The following CDH8 variants were observed in gnomAD, a reference collection of about 807,000 sequenced individuals.
CDH8 encodes cadherin-8.
A neutral mutation model predicts 68.1 loss-of-function variants in CDH8; 17 were observed. The ratio of observed to expected loss-of-function variants is 0.25; its 90% CI spans 0.17 to 0.37. The LOEUF is 0.37. Ranked by LOEUF, CDH8 falls within the 10% of genes least tolerant of loss-of-function variation. CDH8 has a pLI of 1.00. For synonymous variants in CDH8, 372 were observed against 365.1 expected (o/e 1.02, Z -0.21); for missense variants, 763 against 999.3 (o/e 0.76, Z 3.19).
At chr16:62,013,573 T>G (rs1901867995) in intron 2 of CDH8, among the ~76,000 whole-genome samples, 1 of 152,216 alleles carries the variant, frequency 6.6e-6, no homozygotes, top group South Asian at 2.1e-4. Context: ...CACATATATT[T>G]TAATAATTAT....
At chr16:61,691,727 G>T (rs1054555796) in intron 10 of CDH8, 3 of 147,970 alleles carry the variant, frequency 2.0e-5, no homozygotes, top group Non-Finnish European at 3.0e-5. Flanking sequence ...ATGAATAAAA[G>T]GTTAAAAAAA....
rs1366602961 is a variant in CDH8 at position 61,650,043 on chromosome 16, G to C, written c.*3565C>G. The C allele has an allele frequency of 6.6e-6, 1 of 151,898 alleles. No homozygotes were observed. The highest frequency in any genetic ancestry group is 1.9e-4 in the East Asian group (1 of 5,168). The allele number at this position is 151,898 out of a possible 1,614,324, so 9.4% of individuals were successfully genotyped here. On this transcript the variant is annotated 3_prime_UTR_variant, in exon 12 of 12. Transcript: ENST00000577390. ...ATATATACACATACACTTAACTGCA[G>C]ATTTTTTTCAAAACAGTTTCACTTT... is the stretch of plus-strand genomic sequence containing the variant.
intron 10 of CDH8, among the ~76,000 whole-genome samples, chr16:61,698,915 G>A (rs1206281833): frequency 6.6e-6 from 1 of 152,142 alleles, no homozygotes; most frequent in Non-Finnish European, 1.5e-5. Flanking sequence ...ATGTCCCAAA[G>A]GGTAAAAAGT....
chr16:61,780,883 G>C (rs939744918), intron 8 of CDH8, among the ~76,000 whole-genome samples: 1 of 152,124 alleles, frequency 6.6e-6, no homozygotes, highest in Non-Finnish European at 1.5e-5. Context: ...TCAAATTTAT[G>C]CCACCCCAGC....
At chr16:61,878,992 C>T (rs915880754) in intron 3 of CDH8, among the ~76,000 whole-genome samples, 6 of 152,098 alleles carry the variant, frequency 3.9e-5, no homozygotes, top group Admixed American at 3.9e-4. Context: ...AAGATTTGAT[C>T]CCTTCTATCT....
Position 61,789,498 on chromosome 16 carries a change from A to G in CDH8, c.1278-16T>C, listed in dbSNP as rs1961327534. On this transcript the variant is annotated splice_polypyrimidine_tract_variant and intron_variant, in intron 7 of 11. Coordinates refer to ENST00000577390, the MANE Select transcript of CDH8 (RefSeq NM_001796.5). Reference sequence around the variant, plus strand: ...GATGGAAAACCTACAAAACAGACACATCTGTAATCTACTTCAATGTTTATA... The same window carrying G: ...GATGGAAAACCTACAAAACAGACACGTCTGTAATCTACTTCAATGTTTATA... 6 of 1,610,624 alleles carry G rather than the reference A, an allele frequency of 3.7e-6. No homozygotes were observed. In the East Asian group the frequency reaches 1.1e-4, roughly 30 times the overall value.
intron 4 of CDH8, among the ~76,000 whole-genome samples, chr16:61,844,437 TA>T (rs1275815887): frequency 6.6e-6 from 1 of 152,008 alleles, no homozygotes; most frequent in Non-Finnish European, 1.5e-5. Flanking sequence ...TAATAAAGTT[TA>T]AAAAAAAGTT....
At chr16:61,763,633 G>A (rs1960520137) in intron 8 of CDH8, among the ~76,000 whole-genome samples, 1 of 152,070 alleles carries the variant, frequency 6.6e-6, no homozygotes, top group Non-Finnish European at 1.5e-5. Flanking sequence ...AGCGTTACCT[G>A]GTTGCACAGT....
At chr16:61,765,307 C>T (rs1315462941) in intron 8 of CDH8, among the ~76,000 whole-genome samples, 1 of 151,912 alleles carries the variant, frequency 6.6e-6, no homozygotes, top group Non-Finnish European at 1.5e-5. Flanking sequence ...AGATGATCTT[C>T]AAATACTTTA....
At chr16:62,020,502 AC>A (rs1567571559) in intron 2 of CDH8, among the ~76,000 whole-genome samples, 2 of 19,668 alleles carry the variant, frequency 1.0e-4, no homozygotes, top group Non-Finnish European at 3.1e-4. Context: ...GCGCGCGCAC[AC>A]ACACACACAC....
At chr16:62,020,296 T>C (rs1451220629) in intron 2 of CDH8, among the ~76,000 whole-genome samples, 8 of 152,304 alleles carry the variant, frequency 5.3e-5, no homozygotes, top group Admixed American at 1.3e-4. Context: ...AGGCTCATAA[T>C]TGGAATTATA....
chr16:61,862,570 C>T (rs975034583), intron 3 of CDH8, among the ~76,000 whole-genome samples: 9 of 152,258 alleles, frequency 5.9e-5, no homozygotes, highest in African/African-American at 1.2e-4. Context: ...CCGTCAAGGA[C>T]GATATTTCTC....
intron 3 of CDH8, among the ~76,000 whole-genome samples, chr16:61,859,158 A>AC (rs1264109083): frequency 1.3e-5 from 2 of 152,224 alleles, no homozygotes; most frequent in Non-Finnish European, 2.9e-5. Context: ...ATCTGCAGTT[A>AC]TAAAAAAATG....
chr16:61,659,356 G>A (rs117671782), intron 10 of CDH8, among the ~76,000 whole-genome samples: 3,376 of 152,254 alleles, frequency 0.022, 68 homozygotes, highest in Non-Finnish European at 0.033. Context: ...CAGTGAGGTA[G>A]AAACTTTACT....
At chr16:61,854,829 A>G (rs1227306846) in intron 4 of CDH8, among the ~76,000 whole-genome samples, 1 of 152,034 alleles carries the variant, frequency 6.6e-6, no homozygotes, top group Non-Finnish European at 1.5e-5. Context: ...TTTTTTTAAG[A>G]GAGAGGTCCT....
chr16:61,669,005 G>A (rs1019631193), intron 10 of CDH8, among the ~76,000 whole-genome samples: 1 of 152,016 alleles, frequency 6.6e-6, no homozygotes, highest in Non-Finnish European at 1.5e-5. Flanking sequence ...CTTTAATACT[G>A]TGAATAGAGA....
At position 61,960,258 on chromosome 16, in the gene CDH8, T is replaced by TATATACGTGTGTGTGTATACACAC. The variant is rs1965110592; in HGVS notation, c.253-58786_253-58785insGTGTGTATACACACACACGTATAT. Among the ~76,000 whole-genome samples, 18 of 51,826 alleles carry TATATACGTGTGTGTGTATACACAC rather than the reference T, an allele frequency of 3.5e-4. 4 individuals carry two copies. Among genetic ancestry groups the TATATACGTGTGTGTGTATACACAC allele is most frequent in the Admixed American group, 1.3e-3 (7 of 5,276 alleles). The allele number at this position is 51,826 out of a possible 152,430, so 34.0% of individuals were successfully genotyped here. ...ATATACATGTGTGTGTGTATACACA[T>TATATACGTGTGTGTGTATACACAC]ACATATATACGTGTGTGTGTATACA... On this transcript the variant is annotated intron_variant, in intron 2 of 11. Coordinates refer to ENST00000577390, the MANE Select transcript of CDH8 (RefSeq NM_001796.5).
intron 3 of CDH8, among the ~76,000 whole-genome samples, chr16:61,863,803 T>C (rs2143019506): frequency 6.6e-6 from 1 of 152,334 alleles, no homozygotes; most frequent in South Asian, 2.1e-4. Flanking sequence ...GACCTGCTAG[T>C]TATCCTGTTC....
intron 2 of CDH8, among the ~76,000 whole-genome samples, chr16:61,983,151 G>C (rs1168276216): frequency 6.6e-6 from 1 of 152,120 alleles, no homozygotes; most frequent in Non-Finnish European, 1.5e-5. Context: ...CAATAAAGGT[G>C]TCCAGAATCC....
Sources: gnomAD v4.1 joint callset for allele counts (sites outside exome capture counted in the v4.1 genomes callset) on GRCh38, gnomAD v4.1.1 for gene constraint, MANE v1.5 for transcripts, NCBI Gene and HGNC (gene_info 2026-07-23, HGNC 2026-07-21) for gene names.